NAALADL2: variants seen among roughly 807,000 people sequenced by gnomAD.
NAALADL2 encodes the protein inactive N-acetylated-alpha-linked acidic dipeptidase-like protein 2.
A neutral mutation model predicts 87.2 loss-of-function variants in NAALADL2; 76 were observed. The observed-to-expected ratio is 0.87, with a 90% CI of 0.72 to 1.05. NAALADL2 has a LOEUF of 1.05. NAALADL2 is among the 50% of genes least tolerant of loss of function. The probability of loss-of-function intolerance (pLI) is 0.00; values close to 1 mark genes in which losing one functional copy is unlikely to be tolerated. For missense variants in NAALADL2, 1,089 were observed against 945.8 expected (o/e 1.15, Z -1.99); for synonymous variants, 354 against 331.0 (o/e 1.07, Z -0.75).
chr3:174,993,444 T>C (rs1747010836), intron 1 of NAALADL2, among the ~76,000 whole-genome samples: 1 of 152,050 alleles, frequency 6.6e-6, no homozygotes, highest in South Asian at 2.1e-4. Flanking sequence ...AGACATTCTT[T>C]ACCCAAATAA....
At chr3:174,558,503 G>A (rs1713147849) in intron 2 of NAALADL2, among the ~76,000 whole-genome samples, 1 of 152,094 alleles carries the variant, frequency 6.6e-6, no homozygotes, top group Non-Finnish European at 1.5e-5. Context: ...GGGGGTGATG[G>A]GAGACAATGA....
chr3:175,075,029 C>T (rs1716347156), intron 1 of NAALADL2, among the ~76,000 whole-genome samples: 2 of 152,094 alleles, frequency 1.3e-5, no homozygotes, highest in African/African-American at 4.8e-5. Context: ...ATGGACGAGA[C>T]AGGGACAGTT....
At chr3:175,677,552 T>G (rs1367392412) in intron 11 of NAALADL2, among the ~76,000 whole-genome samples, 1 of 151,396 alleles carries the variant, frequency 6.6e-6, no homozygotes, top group East Asian at 1.9e-4. Context: ...GATAGAAATA[T>G]AGATCTTAGA....
rs572849627 is a variant in NAALADL2, at chr3:175,160,323, A to T, written c.545+63032A>T. ...TGTTTACAAAAGGCTTATAAGTAAA[A>T]TTTTAAAAATATATATTATATGTGT... On this transcript the variant is annotated intron_variant, in intron 2 of 13. Coordinates refer to ENST00000454872, the MANE Select transcript of NAALADL2 (RefSeq NM_207015.3). 2.1e-5 allele frequency among the ~76,000 whole-genome samples: 3 copies of T among 140,520 alleles called. No homozygotes were observed. The East Asian group carries it at 6.5e-4, about 30-fold the overall frequency. 92.2% of individuals were successfully genotyped at this position (140,520 alleles called of 152,430 possible).
At chr3:175,614,374 A>G (rs1241283247) in intron 10 of NAALADL2, among the ~76,000 whole-genome samples, 1 of 152,212 alleles carries the variant, frequency 6.6e-6, no homozygotes, top group Non-Finnish European at 1.5e-5. Flanking sequence ...TCTCTTAAAC[A>G]ATCTAGATAT....
Position 175,803,047 on chromosome 3 carries a change from A to C in NAALADL2, c.2232A>C (p.Ser744=), listed in dbSNP as rs564063084. ...YHLDEKTSRF[S]ILIEAWEHCK... ...TTGATGAAAAGACAAGCCGGTTTTC[A>C]ATACTTATAGAGGCTTGGGAACACT... Residue 744 remains serine, a synonymous_variant, in exon 14 of 14, where the codon TCA becomes TCC. Transcript: ENST00000454872. The C allele has an allele frequency of 6.2e-7, 1 of 1,612,396 alleles. No homozygotes were observed. Among genetic ancestry groups the C allele is most frequent in the East Asian group, 2.2e-5 (1 of 44,838 alleles).
chr3:175,667,257 G>GAAAGA (rs1733309084), intron 11 of NAALADL2, among the ~76,000 whole-genome samples: 6 of 141,090 alleles, frequency 4.3e-5, no homozygotes, highest in African/African-American at 1.8e-4. Flanking sequence ...AAGAAAGAAA[G>GAAAGA]AAAGAAAGGA....
intron 1 of NAALADL2, among the ~76,000 whole-genome samples, chr3:174,946,808 T>G (rs1739491391): frequency 6.6e-6 from 1 of 152,152 alleles, no homozygotes; most frequent in Admixed American, 6.5e-5. Context: ...CGTGTTTAAA[T>G]ACACAGTGAA....
chr3:174,644,500 A>G (rs921453449), intron 2 of NAALADL2, among the ~76,000 whole-genome samples: 1 of 152,138 alleles, frequency 6.6e-6, no homozygotes, highest in Non-Finnish European at 1.5e-5. Flanking sequence ...GCAGAGGTGG[A>G]AGAAAATCTG....
chr3:174,706,918 G>GT (rs1730126286), intron 2 of NAALADL2, among the ~76,000 whole-genome samples: 1 of 151,890 alleles, frequency 6.6e-6, no homozygotes, highest in African/African-American at 2.4e-5. Flanking sequence ...TCTCATTTTT[G>GT]TCAGGTTTGT....
At chr3:174,636,839 A>G (rs1722701016) in intron 2 of NAALADL2, among the ~76,000 whole-genome samples, 1 of 152,222 alleles carries the variant, frequency 6.6e-6, no homozygotes, top group Non-Finnish European at 1.5e-5. Context: ...AAAGGAAAAT[A>G]CATCAGCATG....
At chr3:175,063,144 G>T (rs1196627711) in intron 1 of NAALADL2, among the ~76,000 whole-genome samples, 1 of 152,016 alleles carries the variant, frequency 6.6e-6, no homozygotes, top group Non-Finnish European at 1.5e-5. Context: ...AGGAAAAGGA[G>T]ACAAAATAAT....
chr3:174,953,619 T>C (rs1324624479), intron 1 of NAALADL2, among the ~76,000 whole-genome samples: 1 of 151,886 alleles, frequency 6.6e-6, no homozygotes, highest in Non-Finnish European at 1.5e-5. Context: ...GCCATGAATA[T>C]ATACACAGAT....
chr3:175,318,580 A>G lies in NAALADL2; in HGVS notation c.940-5595A>G, dbSNP rs532694331. Among the ~76,000 whole-genome samples, 5 of 152,340 alleles carry G rather than the reference A, an allele frequency of 3.3e-5. No individual in the cohort carries two copies. The South Asian group carries it at 1.0e-3, about 32-fold the overall frequency. ...AATGAACAATACTCCCACCTACAGA[A>G]TGCCACTCTTAACATTTTGCAGTAT... On this transcript the variant is annotated intron_variant, in intron 4 of 13. Transcript: ENST00000454872.
intron 11 of NAALADL2, among the ~76,000 whole-genome samples, chr3:175,683,734 T>C (rs532471300): frequency 1.6e-4 from 25 of 152,170 alleles, no homozygotes; most frequent in African/African-American, 5.8e-4. Flanking sequence ...TCTGATTCTT[T>C]GTTATTTCAT....
rs148928087 is a variant in NAALADL2, at chr3:174,927,397, G to C, written c.43+67947G>C. On this transcript the variant is annotated intron_variant, in intron 1 of 13. Transcript: ENST00000454872. ...CAGAACTCTCCACCTCAAATCAACAGAATATACATTCTTCTCAGCACCACA... is the reference window on the plus strand; with the variant it reads ...CAGAACTCTCCACCTCAAATCAACACAATATACATTCTTCTCAGCACCACA... Among the ~76,000 whole-genome samples, 1,020 of 152,272 alleles carry C rather than the reference G, an allele frequency of 6.7e-3. 10 individuals are homozygous for C. Among genetic ancestry groups the C allele is most frequent in the African/African-American group, 0.023 (958 of 41,562 alleles).
chr3:175,600,381 G>T (rs548494550), intron 10 of NAALADL2, among the ~76,000 whole-genome samples: 1 of 151,862 alleles, frequency 6.6e-6, no homozygotes, highest in Admixed American at 6.6e-5. Context: ...TCAGTGAAAA[G>T]TATTAGATGA....
At chr3:174,837,083 G>A (rs1486786200) in intron 3 of NAALADL2, among the ~76,000 whole-genome samples, 1 of 151,948 alleles carries the variant, frequency 6.6e-6, no homozygotes, top group African/African-American at 2.4e-5. Flanking sequence ...TCACACTTAA[G>A]GAACTAGAGA....
chr3:175,037,348 G>A (rs954137857), intron 1 of NAALADL2, among the ~76,000 whole-genome samples: 6 of 152,142 alleles, frequency 3.9e-5, no homozygotes, highest in African/African-American at 1.4e-4. Flanking sequence ...AAGGGTAGGG[G>A]AAAGAGGGCT....
Sources: gnomAD v4.1 joint callset for allele counts (sites outside exome capture counted in the v4.1 genomes callset) on GRCh38, gnomAD v4.1.1 for gene constraint, MANE v1.5 for transcripts, NCBI Gene and HGNC (gene_info 2026-07-23, HGNC 2026-07-21) for gene names.